CD163L1: variants seen among roughly 807,000 people sequenced by gnomAD.
The protein encoded by CD163L1 is CD163 molecule like 1.
CD163L1 carries 124 observed loss-of-function variants against 165.4 expected under a neutral mutation model. The ratio of observed to expected loss-of-function variants is 0.75; its 90% CI spans 0.65 to 0.87. The LOEUF (loss-of-function observed/expected upper bound fraction) is 0.87, where lower values mean the gene tolerates loss of function less well. CD163L1 is among the 40% of genes least tolerant of loss of function. The pLI is 0.00. For synonymous variants in CD163L1, 585 were observed against 662.2 expected (o/e 0.88, Z 1.79); for missense variants, 1,525 against 1,799.9 (o/e 0.85, Z 2.76).
At chr12:7,389,960 T>TTATATATATATATATATATATATATTTA (rs59235889) in intron 8 of CD163L1, among the ~76,000 whole-genome samples, 1 of 135,964 alleles carries the variant, frequency 7.4e-6, no homozygotes, top group Non-Finnish European at 1.6e-5. Flanking sequence ...ATATATATAT[T>TTATATATATATATATATATATATATTTA]TATATATATA....
In CD163L1 at chr12:7,398,259, C is replaced by T; in HGVS notation, c.1729+5G>A. 6.2e-7 allele frequency: 1 copy of T among 1,608,840 alleles called. No individual in the cohort carries two copies. Among genetic ancestry groups the T allele is most frequent in the Non-Finnish European group, 8.5e-7 (1 of 1,176,948 alleles). Reference sequence around the variant, plus strand: ...CAGGAAATAATAAACAAGAACAAGTCTTACCTGAGCAGGTTACAATCACAT... The same window carrying T: ...CAGGAAATAATAAACAAGAACAAGTTTTACCTGAGCAGGTTACAATCACAT... On this transcript the variant is annotated splice_donor_5th_base_variant and intron_variant, in intron 7 of 19. Coordinates refer to ENST00000313599, the MANE Select transcript of CD163L1 (RefSeq NM_174941.6). The surrounding 1 kb of genome is among the most constrained non-coding windows in gnomAD (Gnocchi z 4.5).
chr12:7,421,552 T>A lies in CD163L1; in HGVS notation c.766+10864A>T, dbSNP rs189292139. Among the ~76,000 whole-genome samples, 134 of 136,940 alleles carry A rather than the reference T, an allele frequency of 9.8e-4. 17 individuals carry two copies. The East Asian group carries it at 0.024, about 24-fold the overall frequency. The allele number at this position is 136,940 out of a possible 152,430, so 89.8% of individuals were successfully genotyped here. ...ATATACATATACGTACACATATACA[T>A]ATACATATATGTACATATATACATG... On this transcript the variant is annotated intron_variant, in intron 4 of 19. Transcript: ENST00000313599.
At chr12:7,335,558 G>C in the CD163L1 span, among the ~76,000 whole-genome samples, 34 of 152,180 alleles carry the variant, frequency 2.2e-4, 1 homozygote, top group South Asian at 6.4e-3. Flanking sequence ...CTAAACCCTA[G>C]AAGAAAACCT....
intron 14 of CD163L1, among the ~76,000 whole-genome samples, chr12:7,371,766 T>C (rs909902820): frequency 1.3e-5 from 2 of 152,134 alleles, no homozygotes; most frequent in African/African-American, 4.8e-5. Context: ...CATAAGATTA[T>C]AGTATATCAT....
intron 18 of CD163L1, 76 bp downstream of exon 18, chr12:7,367,160 G>A: frequency 1.3e-6 from 1 of 790,264 alleles, no homozygotes; most frequent in Non-Finnish European, 2.1e-6. Context: ...CATCGAGTGG[G>A]AGTTCCTAAA....
rs1051759163 is a variant in CD163L1, at chr12:7,372,297, G to C, written c.3730+1023C>G. ...ATGAAAACTAATACATAGGCTTTCT[G>C]CTGGAGCAATTAACTACTACATATA... On this transcript the variant is annotated intron_variant, in intron 14 of 19. Transcript: ENST00000313599. This position sits in a 1 kb window ranked among gnomAD's most constrained non-coding sequence, Gnocchi z 4.2. 6.6e-6 allele frequency among the ~76,000 whole-genome samples: 1 copy of C among 151,988 alleles called. No homozygotes were observed. The highest frequency in any genetic ancestry group is 1.5e-5 in the Non-Finnish European group (1 of 67,922).
the CD163L1 span, chr12:7,320,905 C>A: frequency 2.0e-6 from 2 of 988,982 alleles, no homozygotes; most frequent in South Asian, 1.4e-5. Flanking sequence ...CTTTCTCAGT[C>A]TTACCACCAC....
At position 7,406,622 on chromosome 12, in the gene CD163L1, C is replaced by T. The variant is rs753347655; in HGVS notation, c.997G>A (p.Gly333Ser). The change falls in exon 5 of 20, where the codon GGT becomes AGT. Residue 333 changes from glycine to serine, a missense_variant. Physicochemically the swap from Gly to Ser is moderately conservative, Grantham distance 56 (BLOSUM62 0). Transcript: ENST00000313599. ...VVWLDGVSCS[G>S]NESFLWDCRH... Reference sequence around the variant, plus strand: ...CAGTCCCAAAGAAAAGATTCATTACCGGAGCAGGAGACACCATCAAGCCAT... The same window carrying T: ...CAGTCCCAAAGAAAAGATTCATTACTGGAGCAGGAGACACCATCAAGCCAT... 15 of 1,614,012 alleles carry T rather than the reference C, an allele frequency of 9.3e-6. No individual in the cohort carries two copies. The highest frequency in any genetic ancestry group is 1.7e-4 in the Middle Eastern group (1 of 6,060).
chr12:7,359,837 CTTTG>C (rs1347162035), intron 18 of CD163L1, among the ~76,000 whole-genome samples: 2 of 152,166 alleles, frequency 1.3e-5, no homozygotes, highest in Non-Finnish European at 1.5e-5. Flanking sequence ...ACTTTAAAGA[CTTTG>C]TTTAATTGTT....
intron 8 of CD163L1, among the ~76,000 whole-genome samples, chr12:7,380,340 T>TACAC (rs1491298924): frequency 1.5e-4 from 22 of 147,738 alleles, no homozygotes; most frequent in Non-Finnish European, 2.4e-4. Flanking sequence ...TATACACGTA[T>TACAC]ACATACATGT....
downstream of CD163L1, among the ~76,000 whole-genome samples, chr12:7,344,951 C>T (rs908868047): frequency 6.6e-6 from 1 of 152,194 alleles, no homozygotes; most frequent in East Asian, 1.9e-4. Flanking sequence ...CCCCTGAAAC[C>T]ATTCTTTCCT....
intron 18 of CD163L1, among the ~76,000 whole-genome samples, chr12:7,358,716 G>A (rs967501257): frequency 6.6e-6 from 1 of 152,040 alleles, no homozygotes; most frequent in African/African-American, 2.4e-5. Context: ...AAGGCACACT[G>A]AAAGACAAAA....
chr12:7,380,347 A>ATGTATGTGTGTATACGCGTATACATACT (rs1591901480), intron 8 of CD163L1, among the ~76,000 whole-genome samples: 1 of 145,604 alleles, frequency 6.9e-6, no homozygotes, highest in Admixed American at 6.7e-5. Context: ...GTATACATAC[A>ATGTATGTGTGTATACGCGTATACATACT]TGTATGTGTG....
chr12:7,369,289 AG>A lies in CD163L1; in HGVS notation c.4039+67del. On this transcript the variant is annotated intron_variant, in intron 15 of 19. Transcript: ENST00000313599. The surrounding 1 kb of genome is among the most constrained non-coding windows in gnomAD (Gnocchi z 4.9). Reference sequence around the variant, plus strand: ...TATCTTCAGCTCAACTCTCTGAGTGAGCCTGTTTCCCAGTGTTCTCTACCAT... The same window carrying A: ...TATCTTCAGCTCAACTCTCTGAGTGACCTGTTTCCCAGTGTTCTCTACCAT... 6.7e-7 allele frequency: 1 copy of A among 1,490,058 alleles called. No homozygotes were observed. The highest frequency in any genetic ancestry group is 2.3e-5 in the East Asian group (1 of 44,164). 92.3% of individuals were successfully genotyped at this position (1,490,058 alleles called of 1,614,324 possible). A position where few individuals can be genotyped will look rare whatever the true frequency, so the allele number is the denominator to read the frequency against.
chr12:7,406,083 T>G (rs1013507902), intron 5 of CD163L1, among the ~76,000 whole-genome samples: 1 of 152,206 alleles, frequency 6.6e-6, no homozygotes, highest in African/African-American at 2.4e-5. Context: ...AGATAGGTAC[T>G]CTTTGGAAAT....
chr12:7,364,672 A>G (rs1003283309), intron 18 of CD163L1, among the ~76,000 whole-genome samples: 1 of 152,160 alleles, frequency 6.6e-6, no homozygotes, highest in Admixed American at 6.5e-5. Flanking sequence ...GAAATCAAAA[A>G]GCAATCCAAT....
intron 18 of CD163L1, among the ~76,000 whole-genome samples, chr12:7,362,574 GCATAT>G (rs1565771345): frequency 7.1e-6 from 1 of 140,918 alleles, no homozygotes; most frequent in African/African-American, 2.6e-5. Context: ...GTAATTTATA[GCATAT>G]CATATTAATA....
At chr12:7,364,783 G>C (rs1156275896) in intron 18 of CD163L1, among the ~76,000 whole-genome samples, 1 of 151,816 alleles carries the variant, frequency 6.6e-6, no homozygotes, top group African/African-American at 2.4e-5. Flanking sequence ...GAAAGAAATA[G>C]AAGAGGACAA....
the CD163L1 span, among the ~76,000 whole-genome samples, chr12:7,337,813 T>G: frequency 6.6e-6 from 1 of 152,186 alleles, no homozygotes; most frequent in South Asian, 2.1e-4. Context: ...AATCCCATTA[T>G]TGGGTGTATA....
Sources: gnomAD v4.1 joint callset for allele counts (sites outside exome capture counted in the v4.1 genomes callset) on GRCh38, gnomAD v4.1.1 for gene constraint, Gnocchi (gnomAD v3.1) non-coding constraint, MANE v1.5 for transcripts, NCBI Gene and HGNC (gene_info 2026-07-23, HGNC 2026-07-21) for gene names.